AATK: variants seen among roughly 807,000 people sequenced by gnomAD.
The protein encoded by AATK is serine/threonine-protein kinase LMTK1.
AATK carries 91 observed loss-of-function variants against 114.3 expected under a neutral mutation model. That is an observed-to-expected ratio of 0.80 (90% CI 0.67 to 0.95). The LOEUF is 0.95. AATK is among the 40% of genes least tolerant of loss of function. The pLI is 0.00. For synonymous variants in AATK, 1,075 were observed against 916.5 expected, an observed-to-expected ratio of 1.17 and a Z score of -3.12; for missense variants, 2,176 against 1,965.2, an observed-to-expected ratio of 1.11 and a Z score of -2.03.
rs1173917979 is a variant in AATK, at chr17:81,166,018, C to A, written c.-26G>T. The A allele has an allele frequency of 5.2e-6, 8 of 1,533,114 alleles. No individual in the cohort carries two copies. The highest frequency in any genetic ancestry group is 7.0e-6 in the Non-Finnish European group (8 of 1,141,346). 95.0% of individuals were successfully genotyped at this position (1,533,114 alleles called of 1,614,324 possible). Reference sequence around the variant, plus strand: ...GGCCGGGCCAGCGGCCGGCGGGCATCCCGGGAGGGCGCTGCGCTCAGGACG... The same window carrying A: ...GGCCGGGCCAGCGGCCGGCGGGCATACCGGGAGGGCGCTGCGCTCAGGACG... On this transcript the variant is annotated 5_prime_UTR_variant, in exon 1 of 14. Coordinates refer to ENST00000326724, the MANE Select transcript of AATK (RefSeq NM_001080395.3).
intron 12 of AATK, 59 bp downstream of exon 12, chr17:81,119,877 C>T: frequency 7.1e-7 from 1 of 1,401,486 alleles, no homozygotes; most frequent in Non-Finnish European, 9.2e-7. Flanking sequence ...GCCTCCCACA[C>T]AGCACGGACC....
At chr17:81,144,778 C>T (rs549470580) in intron 1 of AATK, among the ~76,000 whole-genome samples, 2 of 152,376 alleles carry the variant, frequency 1.3e-5, no homozygotes, top group East Asian at 3.9e-4. Context: ...TTAGATGAAG[C>T]TCCCGGGTGA....
intron 1 of AATK, among the ~76,000 whole-genome samples, chr17:81,159,391 G>A (rs932224707): frequency 1.5e-4 from 23 of 152,232 alleles, no homozygotes; most frequent in Admixed American, 9.8e-4. Flanking sequence ...GGGGACTCTC[G>A]GGGGCTGGGC....
intron 1 of AATK, among the ~76,000 whole-genome samples, chr17:81,154,315 C>CT (rs1256563715): frequency 4.1e-5 from 5 of 120,704 alleles, no homozygotes; most frequent in African/African-American, 9.6e-5. Context: ...TTAGTTTTTT[C>CT]TTTCTTTTTT....
chr17:81,128,703 G>A, intron 3 of AATK, 154 bp from the exon 4 acceptor site: 1 of 1,455,918 alleles, frequency 6.9e-7, no homozygotes, highest in Non-Finnish European at 9.1e-7. Flanking sequence ...ACCATCAGGA[G>A]CCAGGGTCTC....
intron 6 of AATK, 81 bp downstream of exon 6, chr17:81,127,502 G>A (rs2146313324): frequency 7.2e-7 from 1 of 1,381,178 alleles, no homozygotes; most frequent in East Asian, 2.5e-5. Flanking sequence ...CCCCAAGGAG[G>A]GGGTGGCACC....
Position 81,120,405 on chromosome 17 carries a change from G to A in AATK, c.3531C>T (p.Cys1177=), listed in dbSNP as rs1448201445. Residue 1177 remains cysteine (C), a synonymous_variant, in exon 11 of 14, where the codon TGC becomes TGT. Transcript: ENST00000326724. Reference sequence around the variant, plus strand: ...CCTCGCTAGGCTCCTGGACGCTGTAGCAGCGGAGCTCCTCGTCAGACTCGT... The same window carrying A: ...CCTCGCTAGGCTCCTGGACGCTGTAACAGCGGAGCTCCTCGTCAGACTCGT... The part of the protein sequence containing the change: ...DSDESDEELR[C]YSVQEPSEDS... 4 of 1,597,572 alleles carry A rather than the reference G, an allele frequency of 2.5e-6. No homozygotes were observed. In the Admixed American group the frequency reaches 6.8e-5, roughly 27 times the overall value.
chr17:81,165,954 G>A lies in AATK; in HGVS notation c.39C>T (p.Ser13=). 6.3e-7 allele frequency: 1 copy of A among 1,585,234 alleles called. No homozygotes were observed. The highest frequency in any genetic ancestry group is 2.3e-5 in the East Asian group (1 of 43,082). The part of the protein sequence containing the change: ...SSFFNPSFAF[S]SHFDPDGAPL... ...GGGACTCACCGGGGTCGAAGTGCGA[G>A]CTGAAGGCGAAGCTGGGGTTGAAGA... Residue 13 remains serine (S), a synonymous_variant, in exon 1 of 14, where the codon AGC becomes AGT. Coordinates refer to ENST00000326724, the MANE Select transcript of AATK (RefSeq NM_001080395.3).
intron 1 of AATK, among the ~76,000 whole-genome samples, chr17:81,148,768 A>G (rs895268523): frequency 1.3e-5 from 2 of 151,728 alleles, no homozygotes; most frequent in African/African-American, 4.8e-5. Context: ...ACACGCTCCC[A>G]CTCACGCTCA....
At position 81,165,925 on chromosome 17, in the gene AATK, G is replaced by A. The variant is rs112644226; in HGVS notation, c.55+13C>T. ...GAGGCAGCGGCGCGCAGGCCGGGCCGCCAGGGACTCACCGGGGTCGAAGTG... is the reference window on the plus strand; with the variant it reads ...GAGGCAGCGGCGCGCAGGCCGGGCCACCAGGGACTCACCGGGGTCGAAGTG... On this transcript the variant is annotated intron_variant, in intron 1 of 13. Coordinates refer to ENST00000326724, the MANE Select transcript of AATK (RefSeq NM_001080395.3). 1.1e-5 allele frequency: 18 copies of A among 1,574,724 alleles called. No individual in the cohort carries two copies. The highest frequency in any genetic ancestry group is 5.5e-5 in the Admixed American group (3 of 54,298).
chr17:81,139,247 T>C (rs1229975956), intron 1 of AATK, among the ~76,000 whole-genome samples: 1 of 152,172 alleles, frequency 6.6e-6, no homozygotes, highest in African/African-American at 2.4e-5. Context: ...CCAGATGCCA[T>C]GCCTGCCCCT....
intron 9 of AATK, among the ~76,000 whole-genome samples, 186 bp downstream of exon 9, chr17:81,124,541 C>T (rs1472707871): frequency 6.6e-6 from 1 of 152,220 alleles, no homozygotes; most frequent in African/African-American, 2.4e-5. Context: ...CTGGGGCACC[C>T]TGTCAGGGTG....
rs114373200 is a variant in AATK at position 81,137,778 on chromosome 17, G to A, written c.56-3277C>T. ...TGCATACAACCATACGTGTGACCAT[G>A]TGCACACACTATACACAGGCCAAGA... On this transcript the variant is annotated intron_variant, in intron 1 of 13. Coordinates refer to ENST00000326724, the MANE Select transcript of AATK (RefSeq NM_001080395.3). 4.0e-3 allele frequency among the ~76,000 whole-genome samples: 602 copies of A among 152,006 alleles called. 6 individuals carry two copies. Among genetic ancestry groups the A allele is most frequent in the African/African-American group, 0.014 (587 of 41,396 alleles).
chr17:81,118,649 C>T (rs1386981580), intron 13 of AATK, among the ~76,000 whole-genome samples: 5 of 152,230 alleles, frequency 3.3e-5, no homozygotes, highest in Admixed American at 6.5e-5. Context: ...CAAATGCCTC[C>T]GAGTCCTGTT....
chr17:81,151,672 C>T (rs909224699), intron 1 of AATK, among the ~76,000 whole-genome samples: 2 of 152,110 alleles, frequency 1.3e-5, no homozygotes, highest in African/African-American at 2.4e-5. Context: ...CAAAAGACAC[C>T]GTCTCAACAC....
At chr17:81,155,679 C>T (rs555260261) in intron 1 of AATK, among the ~76,000 whole-genome samples, 8 of 150,290 alleles carry the variant, frequency 5.3e-5, no homozygotes, top group Non-Finnish European at 1.0e-4. Flanking sequence ...CCAGCGCGCC[C>T]GACCTATAAT....
chr17:81,128,993 T>TG (rs1435383467), intron 3 of AATK: 3 of 927,278 alleles, frequency 3.2e-6, no homozygotes, highest in Non-Finnish European at 4.0e-6. Flanking sequence ...GCTCCTTTGT[T>TG]GGGGGCTGCT....
At chr17:81,138,538 G>C (rs1277689112) in intron 1 of AATK, among the ~76,000 whole-genome samples, 2 of 128,090 alleles carry the variant, frequency 1.6e-5, no homozygotes, top group African/African-American at 6.2e-5. Flanking sequence ...GCACATACAC[G>C]TTCGCGTGCA....
At chr17:81,135,563 A>G (rs972195329) in intron 1 of AATK, among the ~76,000 whole-genome samples, 4 of 152,046 alleles carry the variant, frequency 2.6e-5, no homozygotes, top group Admixed American at 2.0e-4. Flanking sequence ...GCACACCCCC[A>G]AAGGTGTTGT....
Sources: gnomAD v4.1 joint callset for allele counts (sites outside exome capture counted in the v4.1 genomes callset) on GRCh38, gnomAD v4.1.1 for gene constraint, MANE v1.5 for transcripts, NCBI Gene and HGNC (gene_info 2026-07-23, HGNC 2026-07-21) for gene names.